The following ROR1 variants were observed in gnomAD, a reference collection of about 807,000 sequenced individuals.
The protein encoded by ROR1 is ROR family WNT receptor 1.
A neutral mutation model predicts 78.8 loss-of-function variants in ROR1; 19 were observed. That is an observed-to-expected ratio of 0.24 (90% CI 0.17 to 0.35). ROR1 has a LOEUF of 0.35. ROR1 is among the 10% of genes least tolerant of loss of function. The pLI, the probability that ROR1 is intolerant of heterozygous loss-of-function variation, is 1.00. For synonymous variants in ROR1, 386 were observed against 433.6 expected, an observed-to-expected ratio of 0.89 and a Z score of 1.36; for missense variants, 917 against 1,177.8, an observed-to-expected ratio of 0.78 and a Z score of 3.24.
chr1:64,030,159 T>C (rs970893736), intron 2 of ROR1, among the ~76,000 whole-genome samples: 11 of 152,150 alleles, frequency 7.2e-5, no homozygotes, highest in African/African-American at 2.4e-4. Flanking sequence ...CTCCATAACA[T>C]TTATGACTTG....
intron 2 of ROR1, among the ~76,000 whole-genome samples, chr1:64,014,756 A>ACGCACAC (rs1464975950): frequency 1.0e-4 from 4 of 39,876 alleles, no homozygotes; most frequent in Non-Finnish European, 2.5e-4. Context: ...ATATATATAT[A>ACGCACAC]TATATATATA....
chr1:64,050,580 C>A, intron 3 of ROR1, 106 bp from the exon 4 acceptor site: 1 of 1,069,222 alleles, frequency 9.4e-7, no homozygotes. Flanking sequence ...TAAATACTAC[C>A]TCTGGGTGGT....
At chr1:63,798,160 C>T (rs1644772800) in intron 1 of ROR1, among the ~76,000 whole-genome samples, 1 of 152,136 alleles carries the variant, frequency 6.6e-6, no homozygotes, top group African/African-American at 2.4e-5. Context: ...ACAATTGTTA[C>T]CAATCTAGAG....
chr1:63,837,959 G>A (rs997503355), intron 1 of ROR1, among the ~76,000 whole-genome samples: 9 of 152,124 alleles, frequency 5.9e-5, no homozygotes, highest in African/African-American at 2.2e-4. Context: ...GGTCCAATAG[G>A]GTTATAATGG....
At chr1:64,168,124 G>A (rs1650135350) in intron 8 of ROR1, among the ~76,000 whole-genome samples, 1 of 152,212 alleles carries the variant, frequency 6.6e-6, no homozygotes, top group African/African-American at 2.4e-5. Context: ...GGATTAAATG[G>A]GTTGATGCAT....
intron 7 of ROR1, among the ~76,000 whole-genome samples, chr1:64,157,163 G>A (rs553346071): frequency 6.6e-6 from 1 of 152,050 alleles, no homozygotes; most frequent in Non-Finnish European, 1.5e-5. Flanking sequence ...TTTGAGACAA[G>A]GTCTCACTCT....
intron 1 of ROR1, among the ~76,000 whole-genome samples, chr1:63,798,254 C>G (rs1424578887): frequency 6.6e-6 from 1 of 152,158 alleles, no homozygotes; most frequent in Non-Finnish European, 1.5e-5. Flanking sequence ...TTGGAGCCCC[C>G]TGGTTGATTT....
At chr1:63,820,918 T>A (rs1286596805) in intron 1 of ROR1, among the ~76,000 whole-genome samples, 1 of 152,160 alleles carries the variant, frequency 6.6e-6, no homozygotes, top group African/African-American at 2.4e-5. Context: ...TGAATTCAAA[T>A]CTCTGACATG....
chr1:64,029,226 A>G (rs1646640345), intron 2 of ROR1, among the ~76,000 whole-genome samples: 1 of 152,136 alleles, frequency 6.6e-6, no homozygotes, highest in Non-Finnish European at 1.5e-5. Context: ...GGTACCTTGC[A>G]TATATTATCT....
intron 1 of ROR1, among the ~76,000 whole-genome samples, chr1:63,863,003 TA>T (rs937602264): frequency 6.6e-6 from 1 of 152,232 alleles, no homozygotes; most frequent in African/African-American, 2.4e-5. Context: ...GCATCTTGCC[TA>T]ATCACTTTTT....
At position 63,831,621 on chromosome 1, in the gene ROR1, C is replaced by T. The variant is rs372730793; in HGVS notation, c.91+57113C>T. Among the ~76,000 whole-genome samples the T allele has an allele frequency of 1.5e-3, 223 of 152,330 alleles. 3 individuals are homozygous for T. Among genetic ancestry groups the T allele is most frequent in the African/African-American group, 4.5e-3 (188 of 41,580 alleles). On this transcript the variant is annotated intron_variant, in intron 1 of 8. Coordinates refer to ENST00000371079, the MANE Select transcript of ROR1 (RefSeq NM_005012.4). ...CCCCTGGCCCACAAAACCAGTTTTCCCTTCTAGGCCTCTGGGCCTGTGATG... is the reference window on the plus strand; with the variant it reads ...CCCCTGGCCCACAAAACCAGTTTTCTCTTCTAGGCCTCTGGGCCTGTGATG...
intron 2 of ROR1, among the ~76,000 whole-genome samples, chr1:64,020,796 C>T (rs1646558961): frequency 6.6e-6 from 1 of 152,142 alleles, no homozygotes; most frequent in Non-Finnish European, 1.5e-5. Context: ...AGACGGCGAG[C>T]TCTGCAACCC....
intron 1 of ROR1, among the ~76,000 whole-genome samples, chr1:63,926,368 A>G (rs1345885996): frequency 1.3e-5 from 2 of 151,926 alleles, no homozygotes; most frequent in South Asian, 2.1e-4. Context: ...TGTTCCATTG[A>G]TCTATATCTC....
Position 64,013,170 on chromosome 1 carries a change from G to A in ROR1, c.163+3794G>A, listed in dbSNP as rs551748654. Among the ~76,000 whole-genome samples the A allele has an allele frequency of 4.6e-5, 7 of 152,288 alleles. No homozygotes were observed. In the South Asian group the frequency reaches 1.2e-3, roughly 27 times the overall value. On this transcript the variant is annotated intron_variant, in intron 2 of 8. Coordinates refer to ENST00000371079, the MANE Select transcript of ROR1 (RefSeq NM_005012.4). Reference sequence around the variant, plus strand: ...ACTCATTGGAGAGTAAGAAGTGATAGCTGTTTTGGGTTAATATGGTTATTA... The same window carrying A: ...ACTCATTGGAGAGTAAGAAGTGATAACTGTTTTGGGTTAATATGGTTATTA...
intron 7 of ROR1, among the ~76,000 whole-genome samples, chr1:64,155,396 T>C (rs1008105168): frequency 1.3e-5 from 2 of 152,204 alleles, no homozygotes; most frequent in African/African-American, 4.8e-5. Context: ...AGACTTACAA[T>C]GGGCCTGAAT....
At chr1:63,846,172 T>C (rs1158914643) in intron 1 of ROR1, among the ~76,000 whole-genome samples, 1 of 113,080 alleles carries the variant, frequency 8.8e-6, no homozygotes, top group African/African-American at 3.0e-5. Context: ...GTGTGTGTGT[T>C]TGAGAAATCA....
At chr1:64,080,619 G>A (rs952969642) in intron 4 of ROR1, among the ~76,000 whole-genome samples, 1 of 152,184 alleles carries the variant, frequency 6.6e-6, no homozygotes, top group Middle Eastern at 3.2e-3. Flanking sequence ...CTTTTGGTTA[G>A]GGTCCAAACA....
At chr1:64,130,963 T>C (rs1410846037) in intron 4 of ROR1, among the ~76,000 whole-genome samples, 1 of 152,194 alleles carries the variant, frequency 6.6e-6, no homozygotes, top group South Asian at 2.1e-4. Flanking sequence ...GATCTGCTAA[T>C]AGGTGGCCCG....
At chr1:64,046,743 C>T (rs1390398795) in intron 2 of ROR1, among the ~76,000 whole-genome samples, 1 of 152,182 alleles carries the variant, frequency 6.6e-6, no homozygotes, top group African/African-American at 2.4e-5. Context: ...AATCTCAGCC[C>T]TCAATGGGTC....
Sources: allele counts gnomAD v4.1 joint callset (sites outside exome capture counted in the v4.1 genomes callset), GRCh38; gene constraint gnomAD v4.1.1; transcripts MANE v1.5; gene names NCBI Gene and HGNC (gene_info 2026-07-23, HGNC 2026-07-21).